Variants in TAOK3 observed in about 807,000 individuals in gnomAD.
TAOK3 encodes the protein serine/threonine-protein kinase TAO3.
A neutral mutation model predicts 120.4 loss-of-function variants in TAOK3; 40 were observed. The observed-to-expected ratio is 0.33, with a 90% CI of 0.26 to 0.43. The LOEUF (loss-of-function observed/expected upper bound fraction) is 0.43, where lower values mean the gene tolerates loss of function less well. TAOK3 is among the 20% of genes least tolerant of loss of function. TAOK3 has a pLI of 1.00. For missense variants in TAOK3, 821 were observed against 1,112.1 expected, an observed-to-expected ratio of 0.74 and a Z score of 3.72; for synonymous variants, 355 against 387.5, an observed-to-expected ratio of 0.92 and a Z score of 0.99.
At chr12:118,246,676 C>T in intron 3 of TAOK3, 4 of 1,572,256 alleles carry the variant, frequency 2.5e-6, no homozygotes, top group Admixed American at 1.8e-5. Flanking sequence ...CTCATCCCTG[C>T]ACCCAGGGGC....
rs574768255 is a variant in TAOK3, at chr12:118,345,178, G to T, written c.-194+27470C>A. ...TTTGAAGTAAGACTTTTACTAAGAT[G>T]GGAATGAAATGTCTATTTTTTAAGG... On this transcript the variant is annotated intron_variant, in intron 1 of 20. Coordinates refer to ENST00000392533, the MANE Select transcript of TAOK3 (RefSeq NM_016281.4). Among the ~76,000 whole-genome samples the T allele has an allele frequency of 1.4e-4, 21 of 152,178 alleles. No homozygotes were observed. The South Asian group carries it at 2.1e-3, about 15-fold the overall frequency.
intron 1 of TAOK3, among the ~76,000 whole-genome samples, chr12:118,335,743 T>C (rs1260346028): frequency 6.6e-6 from 1 of 152,052 alleles, no homozygotes; most frequent in African/African-American, 2.4e-5. Context: ...GAGGAAGAAT[T>C]GCTTGGACCC....
chr12:118,275,198 G>T (rs1324424407), intron 1 of TAOK3, among the ~76,000 whole-genome samples: 2 of 152,060 alleles, frequency 1.3e-5, no homozygotes, highest in South Asian at 2.1e-4. Context: ...GAGTGCAGTG[G>T]TGTGATCACA....
chr12:118,303,436 C>CAA (rs2042944601), intron 1 of TAOK3, among the ~76,000 whole-genome samples: 1 of 152,106 alleles, frequency 6.6e-6, no homozygotes, highest in East Asian at 1.9e-4. Flanking sequence ...GAACACTTGC[C>CAA]AAAAGTCTGA....
At chr12:118,282,814 A>G (rs2042141997) in intron 1 of TAOK3, among the ~76,000 whole-genome samples, 1 of 152,180 alleles carries the variant, frequency 6.6e-6, no homozygotes. Flanking sequence ...TATCTGATTG[A>G]CCAAAGTCAC....
At chr12:118,173,189 T>C (rs117161528) in intron 16 of TAOK3, among the ~76,000 whole-genome samples, 2,014 of 152,222 alleles carry the variant, frequency 0.013, 14 homozygotes, top group Middle Eastern at 0.027. Context: ...ATACTCTCAG[T>C]AGAGAAAACA....
chr12:118,255,734 A>T lies in TAOK3; in HGVS notation c.-88-79T>A, dbSNP rs1214420771. 7.6e-6 allele frequency: 5 copies of T among 661,538 alleles called. No individual in the cohort carries two copies. The Admixed American group carries it at 1.6e-4, about 21-fold the overall frequency. 41.0% of individuals were successfully genotyped at this position (661,538 alleles called of 1,614,324 possible). ...GGCAATACAAATACATACAAATATT[A>T]AAAGCCTCTTGGTCTCACAACTCAA... On this transcript the variant is annotated intron_variant, in intron 2 of 20. Coordinates refer to ENST00000392533, the MANE Select transcript of TAOK3 (RefSeq NM_016281.4).
Position 118,371,699 on chromosome 12 carries a change from G to A in TAOK3, c.-194+949C>T, listed in dbSNP as rs766661797. Among the ~76,000 whole-genome samples the A allele has an allele frequency of 6.6e-5, 10 of 152,018 alleles. No individual in the cohort carries two copies. The highest frequency in any genetic ancestry group is 1.5e-4 in the Non-Finnish European group (10 of 67,952). On this transcript the variant is annotated intron_variant, in intron 1 of 20. Transcript: ENST00000392533. This position sits in a 1 kb window ranked among gnomAD's most constrained non-coding sequence, Gnocchi z 5.5. The stretch of plus-strand genomic sequence containing the variant: ...CGCAGCCGTTCTTGGGGGGGCTCCC[G>A]CAACTCAGCGGGCGCGACCCCCCGC...
At chr12:118,271,665 T>G (rs1440674648) in intron 1 of TAOK3, among the ~76,000 whole-genome samples, 1 of 152,248 alleles carries the variant, frequency 6.6e-6, no homozygotes. Flanking sequence ...ATATATGTTT[T>G]CATTTTTCTT....
At chr12:118,253,530 G>A (rs2040845823) in intron 3 of TAOK3, among the ~76,000 whole-genome samples, 1 of 150,068 alleles carries the variant, frequency 6.7e-6, no homozygotes, top group African/African-American at 2.5e-5. Context: ...CTGAAGTCAG[G>A]AGTTTAAGAC....
intron 1 of TAOK3, among the ~76,000 whole-genome samples, chr12:118,362,531 A>G (rs2045630559): frequency 6.6e-6 from 1 of 152,026 alleles, no homozygotes; most frequent in Admixed American, 6.6e-5. Context: ...GGAGAAGGAT[A>G]CGGTAGGAAA....
At chr12:118,284,141 TA>T (rs1234213971) in intron 1 of TAOK3, among the ~76,000 whole-genome samples, 2 of 152,208 alleles carry the variant, frequency 1.3e-5, no homozygotes, top group Non-Finnish European at 1.5e-5. Flanking sequence ...GGTATAAAGA[TA>T]TTTTCTGTTT....
chr12:118,189,440 G>A (rs942214596), intron 14 of TAOK3, among the ~76,000 whole-genome samples: 2 of 151,358 alleles, frequency 1.3e-5, no homozygotes, highest in Non-Finnish European at 2.9e-5. Context: ...TCAATGAAAA[G>A]ACAAATAGCT....
At chr12:118,311,714 G>T (rs2043270461) in intron 1 of TAOK3, among the ~76,000 whole-genome samples, 1 of 152,128 alleles carries the variant, frequency 6.6e-6, no homozygotes, top group Non-Finnish European at 1.5e-5. Flanking sequence ...GGCAGGTGAA[G>T]AACTCTTTTC....
At chr12:118,278,784 G>T (rs1209944810) in intron 1 of TAOK3, among the ~76,000 whole-genome samples, 2 of 151,996 alleles carry the variant, frequency 1.3e-5, no homozygotes, top group Non-Finnish European at 2.9e-5. Flanking sequence ...CATTTTTTCT[G>T]CTACCTTGAC....
intron 7 of TAOK3, 194 bp from the exon 8 acceptor site, chr12:118,235,865 A>G: frequency 5.9e-6 from 3 of 509,084 alleles, no homozygotes; most frequent in Non-Finnish European, 1.1e-5. Context: ...TCCTGGGTGT[A>G]CTTGCAGGTA....
chr12:118,370,228 A>G (rs1329222467), intron 1 of TAOK3, among the ~76,000 whole-genome samples: 1 of 152,212 alleles, frequency 6.6e-6, no homozygotes, highest in Admixed American at 6.5e-5. Flanking sequence ...AAGCCATAGA[A>G]GAACTGCTCT....
At chr12:118,227,116 G>A (rs935232823) in intron 9 of TAOK3, among the ~76,000 whole-genome samples, 1 of 151,626 alleles carries the variant, frequency 6.6e-6, no homozygotes, top group African/African-American at 2.4e-5. Flanking sequence ...TTAAAAAATG[G>A]GTAGGCACTA....
At chr12:118,211,763 G>T (rs1023280545) in intron 11 of TAOK3, among the ~76,000 whole-genome samples, 1 of 151,984 alleles carries the variant, frequency 6.6e-6, no homozygotes, top group Admixed American at 6.6e-5. Context: ...TTATAGGCGT[G>T]AGCCACCATA....
Sources: gnomAD v4.1 joint callset for allele counts (sites outside exome capture counted in the v4.1 genomes callset) on GRCh38, gnomAD v4.1.1 for gene constraint, Gnocchi (gnomAD v3.1) non-coding constraint, MANE v1.5 for transcripts, NCBI Gene and HGNC (gene_info 2026-07-23, HGNC 2026-07-21) for gene names.